Variants in MRTFA observed in about 807,000 individuals in gnomAD.
The protein encoded by MRTFA is myocardin related transcription factor A, also known as myocardin-related transcription factor A.
Under a neutral mutation model 83.5 loss-of-function variants are expected in MRTFA, and 20 were observed. The observed-to-expected ratio is 0.24, with a 90% CI of 0.17 to 0.35. The LOEUF is 0.35. MRTFA is among the 10% of genes least tolerant of loss of function. MRTFA has a pLI of 1.00. For synonymous variants in MRTFA, 659 were observed against 541.2 expected, an observed-to-expected ratio of 1.22 and a Z score of -3.02; for missense variants, 1,200 against 1,224.7, an observed-to-expected ratio of 0.98 and a Z score of 0.30.
intron 3 of MRTFA, among the ~76,000 whole-genome samples, chr22:40,467,772 C>A (rs200242441): frequency 6.6e-6 from 1 of 152,118 alleles, no homozygotes; most frequent in Admixed American, 6.6e-5. Context: ...CATCATTCCC[C>A]AAGCCAATAA....
chr22:40,443,141 C>G lies in MRTFA; in HGVS notation c.308-7587G>C, dbSNP rs141105783. 2.9e-3 allele frequency among the ~76,000 whole-genome samples: 444 copies of G among 152,112 alleles called. 3 individuals carry two copies. Among genetic ancestry groups the G allele is most frequent in the African/African-American group, 0.01 (425 of 41,516 alleles). ...GTTACGCACACCTGTAATCCCAACTCCTCAGGAGGCTGAGGCAGGAGAATT... is the reference window on the plus strand; with the variant it reads ...GTTACGCACACCTGTAATCCCAACTGCTCAGGAGGCTGAGGCAGGAGAATT... On this transcript the variant is annotated intron_variant, in intron 4 of 14. Coordinates refer to ENST00000355630, the MANE Select transcript of MRTFA (RefSeq NM_020831.6).
intron 4 of MRTFA, among the ~76,000 whole-genome samples, chr22:40,455,418 G>A (rs5995858): frequency 0.018 from 2,719 of 151,840 alleles, 63 homozygotes; most frequent in Middle Eastern, 0.082. Flanking sequence ...AGGCTGAGGC[G>A]GGCGGATCAC....
chr22:40,602,819 C>A (rs138512644), intron 1 of MRTFA, among the ~76,000 whole-genome samples: 1 of 152,246 alleles, frequency 6.6e-6, no homozygotes, highest in Non-Finnish European at 1.5e-5. Context: ...TGCACTCCAG[C>A]CTGGGTGACA....
At chr22:40,633,811 GATA>G (rs1214936738) in intron 1 of MRTFA, among the ~76,000 whole-genome samples, 2 of 152,018 alleles carry the variant, frequency 1.3e-5, no homozygotes, top group Non-Finnish European at 2.9e-5. Flanking sequence ...GTAGTAAAAT[GATA>G]ATAATGATAA....
intron 3 of MRTFA, among the ~76,000 whole-genome samples, chr22:40,489,203 C>T (rs1269554798): frequency 1.3e-5 from 2 of 152,142 alleles, no homozygotes; most frequent in Admixed American, 6.5e-5. Context: ...CTTTGTCCCT[C>T]GAACACCTGC....
intron 14 of MRTFA, 120 bp from the exon 15 acceptor site, chr22:40,412,027 A>G (rs2052561072): frequency 1.2e-6 from 1 of 828,936 alleles, no homozygotes; most frequent in Admixed American, 3.0e-5. Flanking sequence ...CGGATCAAAG[A>G]CTTACTTAAA....
intron 3 of MRTFA, among the ~76,000 whole-genome samples, chr22:40,465,116 T>A: frequency 6.6e-6 from 1 of 152,198 alleles, no homozygotes; most frequent in Non-Finnish European, 1.5e-5. Context: ...CCCCACTCAC[T>A]CCACAGCATT....
intron 4 of MRTFA, among the ~76,000 whole-genome samples, chr22:40,451,468 C>A (rs1202476768): frequency 6.6e-6 from 1 of 152,138 alleles, no homozygotes; most frequent in African/African-American, 2.4e-5. Context: ...CCGGCTATCA[C>A]CCCCACCCAA....
chr22:40,594,981 T>C (rs1433077604), intron 1 of MRTFA, among the ~76,000 whole-genome samples: 1 of 151,682 alleles, frequency 6.6e-6, no homozygotes, highest in African/African-American at 2.4e-5. Flanking sequence ...CTGTTGCAAG[T>C]ACTTAAATAT....
rs774356966 is a variant in MRTFA, at chr22:40,418,814, G to A, written c.1924C>T (p.Arg642Trp). 46 of 1,609,170 alleles carry A rather than the reference G, an allele frequency of 2.9e-5. No individual in the cohort carries two copies. The highest frequency in any genetic ancestry group is 8.0e-5 in the African/African-American group (6 of 74,984). ...CGCTCCACCAGCTGCTGCTTCTGCC[G>A]GAGCATGCGCGTCAGCGCCTCGATC... The change falls in exon 12 of 15, where the codon CGG (arginine) becomes TGG (tryptophan). Residue 642 changes from arginine (R) to tryptophan (W), a missense_variant. Physicochemically the swap from Arg to Trp is moderately radical, Grantham distance 101. This residue lies in a region of MRTFA where 1,107 missense variants were observed against 1,041.8 expected (regional missense o/e 1.06). Transcript: ENST00000355630.
intron 6 of MRTFA, 31 bp from the exon 7 acceptor site, chr22:40,429,798 G>T: frequency 6.3e-7 from 1 of 1,579,532 alleles, no homozygotes; most frequent in Non-Finnish European, 8.6e-7. Context: ...GGTGCAGGAA[G>T]ATATATGAGT....
intron 2 of MRTFA, among the ~76,000 whole-genome samples, chr22:40,580,900 G>A (rs190641363): frequency 5.3e-5 from 8 of 152,184 alleles, no homozygotes; most frequent in African/African-American, 1.2e-4. Flanking sequence ...AGCTGGGACT[G>A]TAGGCATGTT....
chr22:40,431,747 T>G (rs2053073088), intron 5 of MRTFA, among the ~76,000 whole-genome samples: 1 of 152,140 alleles, frequency 6.6e-6, no homozygotes, highest in African/African-American at 2.4e-5. Flanking sequence ...ATTAAAAAAC[T>G]ATTACTTCTA....
chr22:40,556,762 T>TA (rs1456757750), intron 2 of MRTFA, among the ~76,000 whole-genome samples: 10 of 152,218 alleles, frequency 6.6e-5, no homozygotes, highest in Non-Finnish European at 1.5e-4. Context: ...AAACAACTGT[T>TA]ACACAGGATT....
At chr22:40,411,951 C>T in intron 14 of MRTFA, 44 bp from the exon 15 acceptor site, 1 of 1,419,512 alleles carries the variant, frequency 7.0e-7, no homozygotes, top group Non-Finnish European at 9.3e-7. Flanking sequence ...GAAGCCAAGC[C>T]TGTATATCTA....
At chr22:40,502,365 C>T in intron 3 of MRTFA, among the ~76,000 whole-genome samples, 1 of 115,216 alleles carries the variant, frequency 8.7e-6, no homozygotes, top group Non-Finnish European at 1.8e-5. Flanking sequence ...GGCAGAGACG[C>T]TCCTCACCTC....
intron 3 of MRTFA, among the ~76,000 whole-genome samples, chr22:40,539,160 A>T (rs907038668): frequency 6.6e-6 from 1 of 150,682 alleles, no homozygotes; most frequent in Non-Finnish European, 1.5e-5. Context: ...ACACCTGGCT[A>T]ATTTTTATAT....
In MRTFA at chr22:40,411,331, C is replaced by G. The variant is rs1479412194; in HGVS notation, c.*59G>C. 1.3e-6 allele frequency: 2 copies of G among 1,494,136 alleles called. No homozygotes were observed. Among genetic ancestry groups the G allele is most frequent in the South Asian group, 1.3e-5 (1 of 75,768 alleles). 92.6% of individuals were successfully genotyped at this position (1,494,136 alleles called of 1,614,324 possible). Reference sequence around the variant, plus strand: ...GGAGAGGCCGAATCACGCAGGAGAGCCACGCATTGGAGTACCCTGGCTCCC... The same window carrying G: ...GGAGAGGCCGAATCACGCAGGAGAGGCACGCATTGGAGTACCCTGGCTCCC... On this transcript the variant is annotated 3_prime_UTR_variant, in exon 15 of 15. Transcript: ENST00000355630.
At chr22:40,611,402 C>CA (rs2056386647) in intron 1 of MRTFA, among the ~76,000 whole-genome samples, 1 of 147,946 alleles carries the variant, frequency 6.8e-6, no homozygotes, top group Non-Finnish European at 1.5e-5. Flanking sequence ...CCACATCCAG[C>CA]TTTTTTTTTT....
Sources: gnomAD v4.1 joint callset for allele counts (sites outside exome capture counted in the v4.1 genomes callset) on GRCh38, gnomAD v4.1.1 for gene constraint, gnomAD v4.1.1 regional missense constraint, MANE v1.5 for transcripts, NCBI Gene and HGNC (gene_info 2026-07-23, HGNC 2026-07-21) for gene names.